Variants in CCDC141 observed in about 807,000 individuals in gnomAD.
The protein encoded by CCDC141 is coiled-coil domain containing 141, also known as coiled-coil domain-containing protein 141.
Under a neutral mutation model 181.0 loss-of-function variants are expected in CCDC141, and 168 were observed. That is an observed-to-expected ratio of 0.93 (90% confidence interval 0.82 to 1.05). The LOEUF (loss-of-function observed/expected upper bound fraction) is 1.05. Ranked by LOEUF, CCDC141 falls within the 50% of genes least tolerant of loss-of-function variation. The probability of loss-of-function intolerance (pLI) is 0.00; values close to 1 mark genes in which losing one functional copy is unlikely to be tolerated. For synonymous variants in CCDC141, 666 were observed against 642.3 expected, an observed-to-expected ratio of 1.04 and a Z score of -0.56; for missense variants, 1,902 against 1,788.5, an observed-to-expected ratio of 1.06 and a Z score of -1.14.
At chr2:178,949,000 C>T (rs529818966) in intron 5 of CCDC141, among the ~76,000 whole-genome samples, 2 of 152,224 alleles carry the variant, frequency 1.3e-5, no homozygotes, top group South Asian at 4.2e-4. Flanking sequence ...TGATAGCTTT[C>T]GGGAAAGCAG....
chr2:178,982,378 A>G (rs1691457479), intron 2 of CCDC141, among the ~76,000 whole-genome samples: 1 of 152,238 alleles, frequency 6.6e-6, no homozygotes, highest in Admixed American at 6.5e-5. Context: ...TAAAATACCT[A>G]GGAATACATT....
intron 2 of CCDC141, among the ~76,000 whole-genome samples, chr2:179,010,167 C>T (rs534297201): frequency 6.6e-6 from 1 of 151,940 alleles, no homozygotes; most frequent in South Asian, 2.1e-4. Context: ...AATGACAAAA[C>T]CTAAGAATAA....
intron 11 of CCDC141, 128 bp downstream of exon 11, chr2:178,884,773 T>A (rs1260040669): frequency 1.7e-6 from 1 of 602,324 alleles, no homozygotes; most frequent in African/African-American, 1.8e-5. Flanking sequence ...ACAGGGCCTA[T>A]AAGTGAGCCC....
chr2:178,998,752 T>C (rs946214834), intron 2 of CCDC141, among the ~76,000 whole-genome samples: 1 of 152,112 alleles, frequency 6.6e-6, no homozygotes, highest in Non-Finnish European at 1.5e-5. Flanking sequence ...TTTTTAAACA[T>C]CTAGGTGTTT....
intron 2 of CCDC141, among the ~76,000 whole-genome samples, chr2:178,988,323 G>A (rs1237552705): frequency 8.9e-6 from 1 of 112,604 alleles, no homozygotes; most frequent in East Asian, 2.9e-4. Context: ...CTGTTGTGGG[G>A]TGGGGGGAGG....
intron 4 of CCDC141, among the ~76,000 whole-genome samples, chr2:178,971,401 C>T (rs189115491): frequency 2.0e-5 from 3 of 152,256 alleles, no homozygotes; most frequent in East Asian, 3.9e-4. Context: ...GAATGGCAAT[C>T]ATCAAAAAGT....
chr2:178,950,343 CTTTT>C (rs938163848), intron 5 of CCDC141, among the ~76,000 whole-genome samples: 3 of 150,872 alleles, frequency 2.0e-5, no homozygotes, highest in Non-Finnish European at 3.0e-5. Context: ...GTTTTTTTTT[CTTTT>C]TTTACAGTAG....
At position 178,999,655 on chromosome 2, in the gene CCDC141, A is replaced by G. The variant is rs1179799720; in HGVS notation, c.226-20980T>C. Among the ~76,000 whole-genome samples the G allele has an allele frequency of 2.0e-5, 3 of 151,988 alleles. No individual in the cohort carries two copies. In the East Asian group the frequency reaches 5.8e-4, roughly 29 times the overall value. On this transcript the variant is annotated intron_variant, in intron 2 of 23. Transcript: ENST00000443758. ...TATCCCTGTTGGCTGACTCCCTAAC[A>G]CTGTTCTCTAGCCTTCTGAAATTTT... is the stretch of plus-strand genomic sequence containing the variant.
Position 178,865,877 on chromosome 2 carries a change from G to C in CCDC141, c.2614C>G (p.Leu872Val), listed in dbSNP as rs144766496. 648 of 1,601,880 alleles carry C rather than the reference G, an allele frequency of 4.0e-4. 1 individual carries two copies. The African/African-American group carries it at 7.3e-3, about 18-fold the overall frequency. Residue 872 changes from leucine (L) to valine (V), a missense_variant, in exon 17 of 24, where the codon CTG becomes GTG. Leu to Val is a conservative substitution (Grantham distance 32). Transcript: ENST00000443758. ...ATGCTGTCCTCCTCAAGGAGCTCCA[G>C]CTGCTGCTGTAGGTTCTTTGCAGAA... ...NVSAKNLQQQ[L>V]ELLEEDSMKW...
chr2:178,933,165 T>C (rs1222711785), intron 6 of CCDC141, among the ~76,000 whole-genome samples: 1 of 152,182 alleles, frequency 6.6e-6, no homozygotes, highest in Non-Finnish European at 1.5e-5. Context: ...TGCTGCTATA[T>C]TAAAACATTT....
chr2:178,936,733 A>G (rs1458733857), intron 6 of CCDC141, among the ~76,000 whole-genome samples: 1 of 151,982 alleles, frequency 6.6e-6, no homozygotes, highest in East Asian at 1.9e-4. Context: ...ATGAGTATGG[A>G]ATGTGTTTCC....
chr2:179,014,428 A>T (rs762746448), intron 2 of CCDC141, among the ~76,000 whole-genome samples: 1 of 152,164 alleles, frequency 6.6e-6, no homozygotes, highest in African/African-American at 2.4e-5. Flanking sequence ...GCTGGGACCT[A>T]ATGAAACTTA....
chr2:178,834,776 C>T (rs780847172), intron 23 of CCDC141, among the ~76,000 whole-genome samples: 10 of 151,246 alleles, frequency 6.6e-5, no homozygotes, highest in African/African-American at 1.9e-4. Flanking sequence ...GATAGGATCT[C>T]GCTATGTTAC....
intron 6 of CCDC141, among the ~76,000 whole-genome samples, chr2:178,938,818 T>C (rs1276853140): frequency 2.6e-5 from 4 of 152,080 alleles, no homozygotes; most frequent in Non-Finnish European, 5.9e-5. Context: ...ATTCATTATG[T>C]AGTGAATGAC....
At chr2:179,034,047 T>C (rs1296828650) in intron 2 of CCDC141, among the ~76,000 whole-genome samples, 1 of 152,186 alleles carries the variant, frequency 6.6e-6, no homozygotes, top group Non-Finnish European at 1.5e-5. Context: ...AAAACACATA[T>C]GTTCATTGCG....
chr2:178,872,286 C>G lies in CCDC141; in HGVS notation c.1926G>C (p.Val642=). 1 of 1,613,346 alleles carries G rather than the reference C, an allele frequency of 6.2e-7. No individual in the cohort carries two copies. Among genetic ancestry groups the G allele is most frequent in the South Asian group, 1.1e-5 (1 of 90,866 alleles). ...TCTTCATGAGGTACACTTCATTTTTCACATCTAATATCTCGTTCTCTTTTG... is the reference window on the plus strand; with the variant it reads ...TCTTCATGAGGTACACTTCATTTTTGACATCTAATATCTCGTTCTCTTTTG... The part of the protein sequence containing the change: ...NMAKENEILD[V]KNEVYLMKNT... Residue 642 remains valine, a synonymous_variant, in exon 13 of 24, where the codon GTG becomes GTC. Coordinates refer to ENST00000443758, the MANE Select transcript of CCDC141 (RefSeq NM_173648.4).
intron 2 of CCDC141, among the ~76,000 whole-genome samples, chr2:179,015,432 A>ACCATGTATATCTCATATATGTG (rs2042462102): frequency 8.4e-6 from 1 of 119,374 alleles, no homozygotes; most frequent in Non-Finnish European, 1.7e-5. Context: ...TCATATATGT[A>ACCATGTATATCTCATATATGTG]CCATATATAT....
rs755714472 is a variant in CCDC141, at chr2:178,865,800, C to T, written c.2691G>A (p.Val897=). 5.0e-6 allele frequency: 8 copies of T among 1,594,982 alleles called. No homozygotes were observed. Among genetic ancestry groups the T allele is most frequent in the Non-Finnish European group, 6.8e-6 (8 of 1,171,236 alleles). The stretch of plus-strand genomic sequence containing the variant: ...TCTCGTCTCTCATGGCGCAGTACTC[C>T]ACACTACGGGACAGGGTCCGTCCAT... ...EEYGRTLSRS[V]EYCAMRDEIN... Residue 897 remains valine, a synonymous_variant, in exon 17 of 24, where the codon GTG becomes GTA. Coordinates refer to ENST00000443758, the MANE Select transcript of CCDC141 (RefSeq NM_173648.4).
intron 22 of CCDC141, among the ~76,000 whole-genome samples, chr2:178,838,302 A>T (rs1478568515): frequency 6.6e-6 from 1 of 152,258 alleles, no homozygotes; most frequent in East Asian, 1.9e-4. Flanking sequence ...AGTGGCATTA[A>T]GTGCATTCAC....
Sources: gnomAD v4.1 joint callset for allele counts (sites outside exome capture counted in the v4.1 genomes callset) on GRCh38, gnomAD v4.1.1 for gene constraint, MANE v1.5 for transcripts, NCBI Gene and HGNC (gene_info 2026-07-23, HGNC 2026-07-21) for gene names.